IP6K1: variants seen among roughly 807,000 people sequenced by gnomAD.
IP6K1 encodes inositol hexakisphosphate kinase 1.
A neutral mutation model predicts 38.3 loss-of-function variants in IP6K1; 13 were observed. The observed-to-expected ratio is 0.34, with a 90% confidence interval of 0.22 to 0.54. IP6K1 has a LOEUF of 0.54. Among genes scored for constraint, IP6K1 ranks in the 20% least tolerant of loss-of-function variants. The probability of loss-of-function intolerance (pLI) is 0.92; values close to 1 mark genes in which losing one functional copy is unlikely to be tolerated. For missense variants in IP6K1, 397 were observed against 599.8 expected (o/e 0.66, Z 3.53); for synonymous variants, 212 against 229.9 (o/e 0.92, Z 0.70).
chr3:49,744,401 CAAAAAAAAAAAAAAA>C (rs56916226), intron 2 of IP6K1, among the ~76,000 whole-genome samples: 2 of 76,204 alleles, frequency 2.6e-5, no homozygotes, highest in South Asian at 1.2e-3. Flanking sequence ...GACTCCGTCT[CAAAAAAAAAAAAAAA>C]AAAAAAAAAA....
rs779811808 is a variant in IP6K1, at chr3:49,732,888, C to T, written c.519G>A (p.Leu173=). The change falls in exon 4 of 6, where the codon TTG becomes TTA. Residue 173 remains leucine, a synonymous_variant. Coordinates refer to ENST00000321599, the MANE Select transcript of IP6K1 (RefSeq NM_153273.4). ...GGTTGTGGCTGATCTTCTCAGAACT[C>T]AAGCCACTGTTGCCATCTAGCATCT... ...PFQMLDGNSG[L]SSEKISHNPW... 1 of 1,613,708 alleles carries T rather than the reference C, an allele frequency of 6.2e-7. No homozygotes were observed. Among genetic ancestry groups the T allele is most frequent in the Admixed American group, 1.7e-5 (1 of 60,006 alleles).
chr3:49,727,756 G>A lies in IP6K1; in HGVS notation c.793-101C>T. 8.2e-7 allele frequency: 1 copy of A among 1,213,194 alleles called. No homozygotes were observed. Among genetic ancestry groups the A allele is most frequent in the Non-Finnish European group, 1.1e-6 (1 of 872,230 alleles). 75.2% of individuals were successfully genotyped at this position (1,213,194 alleles called of 1,614,324 possible). A position where few individuals can be genotyped will look rare whatever the true frequency, so the allele number is the denominator to read the frequency against. ...CTGGAAGGGACTTTGACCAACCTGA[G>A]CTTTTCTGCTCACCTATCTAAGTGG... On this transcript the variant is annotated intron_variant, in intron 5 of 5. Transcript: ENST00000321599. The surrounding 1 kb of genome is among the most constrained non-coding windows in gnomAD (Gnocchi z 5.9).
At chr3:49,737,012 T>A (rs1210813666) in intron 3 of IP6K1, among the ~76,000 whole-genome samples, 1 of 151,820 alleles carries the variant, frequency 6.6e-6, no homozygotes, top group Non-Finnish European at 1.5e-5. Context: ...GACCTCGTGA[T>A]CTGCCTGCCT....
intron 4 of IP6K1, among the ~76,000 whole-genome samples, chr3:49,730,393 T>TC (rs1026616228): frequency 6.6e-6 from 1 of 152,138 alleles, no homozygotes; most frequent in Non-Finnish European, 1.5e-5. Flanking sequence ...TTTGGATACA[T>TC]CCCTCACCAT....
At chr3:49,737,183 T>C (rs2080620604) in intron 3 of IP6K1, among the ~76,000 whole-genome samples, 1 of 151,710 alleles carries the variant, frequency 6.6e-6, no homozygotes, top group Non-Finnish European at 1.5e-5. Context: ...AGCATTAGGA[T>C]TACAAGCGTG....
chr3:49,731,712 C>T (rs1159071930), intron 4 of IP6K1, among the ~76,000 whole-genome samples: 6 of 151,978 alleles, frequency 3.9e-5, no homozygotes, highest in African/African-American at 1.4e-4. Flanking sequence ...TACTTCAAAA[C>T]ACTAACAATT....
At chr3:49,747,482 C>A (rs530497801) in intron 2 of IP6K1, among the ~76,000 whole-genome samples, 137 of 152,270 alleles carry the variant, frequency 9.0e-4, no homozygotes, top group Non-Finnish European at 1.4e-3. Flanking sequence ...CTGGAAGTAT[C>A]CATTCCGCCT....
At chr3:49,783,913 G>C (rs922022937) in intron 1 of IP6K1, among the ~76,000 whole-genome samples, 4 of 152,070 alleles carry the variant, frequency 2.6e-5, no homozygotes, top group Non-Finnish European at 5.9e-5. Context: ...CAGTCGAACA[G>C]CAACAAGCTG....
chr3:49,740,228 CTTTTTTTTTT>C (rs71080547), intron 2 of IP6K1, among the ~76,000 whole-genome samples: 1 of 76,512 alleles, frequency 1.3e-5, no homozygotes, highest in African/African-American at 4.7e-5. Flanking sequence ...ATTTGCAATT[CTTTTTTTTTT>C]TTTTTTTTTT....
intron 1 of IP6K1, among the ~76,000 whole-genome samples, chr3:49,771,552 CTT>C (rs1373275231): frequency 1.3e-5 from 2 of 152,178 alleles, no homozygotes; most frequent in Non-Finnish European, 2.9e-5. Context: ...CTACAACACA[CTT>C]AATGTTGCTA....
chr3:49,750,690 A>G (rs2108239947), intron 1 of IP6K1, among the ~76,000 whole-genome samples: 1 of 150,688 alleles, frequency 6.6e-6, no homozygotes, highest in African/African-American at 2.4e-5. Flanking sequence ...ACAGAGCGGG[A>G]CTCCTCAAAA....
chr3:49,726,494 C>T lies in IP6K1; in HGVS notation c.*628G>A, dbSNP rs1391283950. 6.6e-6 allele frequency: 1 copy of T among 152,320 alleles called. No individual in the cohort carries two copies. The highest frequency in any genetic ancestry group is 2.1e-4 in the South Asian group (1 of 4,838). 9.4% of individuals were successfully genotyped at this position (152,320 alleles called of 1,614,324 possible). On this transcript the variant is annotated 3_prime_UTR_variant, in exon 6 of 6. Coordinates refer to ENST00000321599, the MANE Select transcript of IP6K1 (RefSeq NM_153273.4). ...CAACCTGTCACGTGCCAACAGGTGCCTGGGGAACCCAGGCGCCGCCCTCTG... is the reference window on the plus strand; with the variant it reads ...CAACCTGTCACGTGCCAACAGGTGCTTGGGGAACCCAGGCGCCGCCCTCTG...
chr3:49,759,738 A>G (rs1022607506), intron 1 of IP6K1, among the ~76,000 whole-genome samples: 1 of 152,212 alleles, frequency 6.6e-6, no homozygotes. Context: ...GAAGCAGATC[A>G]GCAACATGGA....
intron 1 of IP6K1, among the ~76,000 whole-genome samples, chr3:49,756,576 G>A (rs2080825027): frequency 6.6e-6 from 1 of 152,154 alleles, no homozygotes; most frequent in Non-Finnish European, 1.5e-5. Context: ...CTAGCACTTT[G>A]GGAGGCCAAG....
chr3:49,771,277 C>G (rs1201926805), intron 1 of IP6K1, among the ~76,000 whole-genome samples: 4 of 150,476 alleles, frequency 2.7e-5, no homozygotes, highest in Non-Finnish European at 4.4e-5. Flanking sequence ...GCAGAAGGAT[C>G]CTTTGAGCCC....
At chr3:49,771,420 A>T (rs1003123324) in intron 1 of IP6K1, among the ~76,000 whole-genome samples, 1 of 152,218 alleles carries the variant, frequency 6.6e-6, no homozygotes, top group Non-Finnish European at 1.5e-5. Flanking sequence ...AAACGAAGAT[A>T]CACAAAGACC....
chr3:49,743,355 T>C (rs1175333287), intron 2 of IP6K1, among the ~76,000 whole-genome samples: 1 of 151,130 alleles, frequency 6.6e-6, no homozygotes, highest in Non-Finnish European at 1.5e-5. Flanking sequence ...TCATGCCTCA[T>C]GGAGGAGGAT....
At position 49,775,521 on chromosome 3, in the gene IP6K1, G is replaced by A. The variant is rs1031378667; in HGVS notation, c.-129+10833C>T. ...TAAGGAGTGCACCATCTAGGAGAAG[G>A]ATAGAGATGGCTGCCCAAAGATTGT... On this transcript the variant is annotated intron_variant, in intron 1 of 5. Coordinates refer to ENST00000321599, the MANE Select transcript of IP6K1 (RefSeq NM_153273.4). 7 of 982,676 alleles carry A rather than the reference G, an allele frequency of 7.1e-6. No homozygotes were observed. In the African/African-American group the frequency reaches 1.1e-4, roughly 16 times the overall value. 60.9% of individuals were successfully genotyped at this position (982,676 alleles called of 1,614,324 possible).
chr3:49,764,208 C>A (rs928011184), intron 1 of IP6K1, among the ~76,000 whole-genome samples: 1 of 151,170 alleles, frequency 6.6e-6, no homozygotes. Context: ...ATAGTGAGAC[C>A]CCATTTCTAC....
Sources: allele counts gnomAD v4.1 joint callset (sites outside exome capture counted in the v4.1 genomes callset), GRCh38; gene constraint gnomAD v4.1.1; non-coding constraint Gnocchi (gnomAD v3.1); transcripts MANE v1.5; gene names NCBI Gene and HGNC (gene_info 2026-07-23, HGNC 2026-07-21).